SEMA3B: variants seen among roughly 807,000 people sequenced by gnomAD.
SEMA3B encodes semaphorin-3B.
In SEMA3B, 71 loss-of-function variants were observed where a neutral mutation model predicts 77.8. The observed-to-expected ratio is 0.91, with a 90% CI of 0.75 to 1.11. SEMA3B has a LOEUF of 1.11. Ranked by LOEUF, SEMA3B falls within the 50% of genes most tolerant of loss-of-function variation. The pLI, the probability that SEMA3B is intolerant of heterozygous loss-of-function variation, is 0.00. For missense variants in SEMA3B, 968 were observed against 1,056.8 expected (o/e 0.92, Z 1.17); for synonymous variants, 470 against 452.9 (o/e 1.04, Z -0.48).
rs782568494 is a variant in SEMA3B at position 50,275,608 on chromosome 3, C to T, written c.1698C>T (p.Cys566=). Residue 566 remains cysteine (C), a synonymous_variant, in exon 15 of 17, where the codon TGC becomes TGT. Coordinates refer to ENST00000616701, the MANE Select transcript of SEMA3B (RefSeq NM_001290060.2). The surrounding 1 kb of genome is among the most constrained non-coding windows in gnomAD (Gnocchi z 7.5). ...GGAATGGCGACCCCAGCACGTTGTG[C>T]TCCGGAGGTGAGTGCCCCAGCTGCC... ...DVRNGDPSTL[C]SGDSSRPALL... is the part of the protein sequence containing the mutation. 7 of 1,613,720 alleles carry T rather than the reference C, an allele frequency of 4.3e-6. No homozygotes were observed. In the South Asian group the frequency reaches 5.5e-5, roughly 13 times the overall value.
In SEMA3B at chr3:50,273,785, G is replaced by C. The variant is rs1553705895; in HGVS notation, c.949G>C (p.Asp317His). The C allele has an allele frequency of 1.3e-6, 2 of 1,593,326 alleles. No individual in the cohort carries two copies. Among genetic ancestry groups the C allele is most frequent in the Non-Finnish European group, 1.7e-6 (2 of 1,172,062 alleles). Residue 317 changes from aspartate (D) to histidine (H), a missense_variant, in exon 9 of 17, where the codon GAC (aspartate) becomes CAC (histidine). Asp to His is a moderately conservative substitution (Grantham distance 81). Coordinates refer to ENST00000616701, the MANE Select transcript of SEMA3B (RefSeq NM_001290060.2). The surrounding 1 kb of genome is among the most constrained non-coding windows in gnomAD (Gnocchi z 6.5). Reference sequence around the variant, plus strand: ...GGATGTGTTTCTGTTGTCCTCGCGGGACCACCGGACCCCGCTGCTCTATGC... The same window carrying C: ...GGATGTGTTTCTGTTGTCCTCGCGGCACCACCGGACCCCGCTGCTCTATGC... Reference protein sequence around the residue: ...LQDVFLLSSRDHRTPLLYAVF... With the variant: ...LQDVFLLSSRHHRTPLLYAVF...
chr3:50,273,410 C>A lies in SEMA3B; in HGVS notation c.777C>A (p.Arg259=). The A allele has an allele frequency of 6.2e-7, 1 of 1,613,780 alleles. No individual in the cohort carries two copies. The highest frequency in any genetic ancestry group is 8.5e-7 in the Non-Finnish European group (1 of 1,179,840). ...TAVEAAPALG[R]LSVSRVGQIC... Reference sequence around the variant, plus strand: ...TAGAGGCGGCGCCGGCACTGGGACGCCTGTCCGTGTCCCGCGTTGGCCAGA... The same window carrying A: ...TAGAGGCGGCGCCGGCACTGGGACGACTGTCCGTGTCCCGCGTTGGCCAGA... Residue 259 remains arginine (R), a synonymous_variant, in exon 7 of 17, where the codon CGC becomes CGA. Transcript: ENST00000616701. This position sits in a 1 kb window ranked among gnomAD's most constrained non-coding sequence, Gnocchi z 6.5.
In SEMA3B at chr3:50,274,366, C is replaced by T. The variant is rs782570456; in HGVS notation, c.1141C>T (p.Pro381Ser). The change falls in exon 11 of 17, where the codon CCC becomes TCC. Residue 381 changes from proline (P) to serine (S), a missense_variant. Coordinates refer to ENST00000616701, the MANE Select transcript of SEMA3B (RefSeq NM_001290060.2). The surrounding 1 kb of genome is among the most constrained non-coding windows in gnomAD (Gnocchi z 4.7). The part of the protein sequence containing the change: ...RVPYPRPGMC[P>S]SKTFGTFSST... ...CCTCCCTTTCCCCCACCCCCAGTGC[C>T]CCAGCAAGACCTTTGGCACCTTCAG... 2.9e-5 allele frequency: 44 copies of T among 1,493,928 alleles called. No individual in the cohort carries two copies. The highest frequency in any genetic ancestry group is 3.8e-5 in the Non-Finnish European group (43 of 1,122,688). The allele number at this position is 1,493,928 out of a possible 1,614,324, so 92.5% of individuals were successfully genotyped here. A position where few individuals can be genotyped will look rare whatever the true frequency, so the allele number is the denominator to read the frequency against.
In SEMA3B at chr3:50,274,910, C is replaced by G. The variant is rs782258372; in HGVS notation, c.1425C>G (p.Leu475=). 1 of 1,610,400 alleles carries G rather than the reference C, an allele frequency of 6.2e-7. No homozygotes were observed. Among genetic ancestry groups the G allele is most frequent in the Non-Finnish European group, 8.5e-7 (1 of 1,179,568 alleles). The change falls in exon 12 of 17, where the codon CTC becomes CTG. Residue 475 remains leucine (L), a synonymous_variant. Coordinates refer to ENST00000616701, the MANE Select transcript of SEMA3B (RefSeq NM_001290060.2). The surrounding 1 kb of genome is among the most constrained non-coding windows in gnomAD (Gnocchi z 4.7). ...GTAGGCCCAGCGCAGAGGGGCTGCTCCTGGAGGAGCTGCACGTGTTTGAGG... is the reference window on the plus strand; with the variant it reads ...GTAGGCCCAGCGCAGAGGGGCTGCTGCTGGAGGAGCTGCACGTGTTTGAGG... ...KGSRPSAEGL[L]LEELHVFEDS... is the part of the protein sequence containing the mutation.
Position 50,274,530 on chromosome 3 carries a change from G to A in SEMA3B, c.1305G>A (p.Ala435=). 6.4e-7 allele frequency: 1 copy of A among 1,569,980 alleles called. No individual in the cohort carries two copies. Among genetic ancestry groups the A allele is most frequent in the Admixed American group, 1.9e-5 (1 of 53,034 alleles). Residue 435 remains alanine, a synonymous_variant, in exon 11 of 17, where the codon GCG becomes GCA. Coordinates refer to ENST00000616701, the MANE Select transcript of SEMA3B (RefSeq NM_001290060.2). This position sits in a 1 kb window ranked among gnomAD's most constrained non-coding sequence, Gnocchi z 4.7. ...GANYTFTQIA[A]DRVAAADGHY... is the part of the protein sequence containing the mutation. ...ATTACACCTTCACTCAAATTGCCGC[G>A]GACCGGGTTGCAGCCGCTGACGGAC...
At position 50,277,005 on chromosome 3, in the gene SEMA3B, G is replaced by A. The variant is rs1374039243; in HGVS notation, c.*299G>A. 10 of 400,966 alleles carry A rather than the reference G, an allele frequency of 2.5e-5. No individual in the cohort carries two copies. The highest frequency in any genetic ancestry group is 4.0e-5 in the Non-Finnish European group (9 of 225,954). 24.8% of individuals were successfully genotyped at this position (400,966 alleles called of 1,614,324 possible). Reference sequence around the variant, plus strand: ...CCAGGGCCGAGGAGGTGCCTGGAGTGCCCACCCTGGGAGACAGACCCCACC... The same window carrying A: ...CCAGGGCCGAGGAGGTGCCTGGAGTACCCACCCTGGGAGACAGACCCCACC... On this transcript the variant is annotated 3_prime_UTR_variant, in exon 17 of 17. Coordinates refer to ENST00000616701, the MANE Select transcript of SEMA3B (RefSeq NM_001290060.2).
upstream of SEMA3B, chr3:50,267,570 A>ACGGC (rs1700932609): frequency 6.6e-6 from 1 of 152,240 alleles, no homozygotes; most frequent in Admixed American, 6.5e-5. This position sits in a 1 kb window ranked among gnomAD's most constrained non-coding sequence, Gnocchi z 5.7. Context: ...ACTTTACGGC[A>ACGGC]CGGCGGGCGG....
chr3:50,276,496 C>T lies in SEMA3B; in HGVS notation c.2040C>T (p.Ala680=), dbSNP rs990142121. 70 of 1,531,074 alleles carry T rather than the reference C, an allele frequency of 4.6e-5. No individual in the cohort carries two copies. The highest frequency in any genetic ancestry group is 5.7e-5 in the Non-Finnish European group (65 of 1,143,752). The allele number at this position is 1,531,074 out of a possible 1,614,324, so 94.8% of individuals were successfully genotyped here. ...CGCGGGCCGAGGAGGCTGCGCCCGC[C>T]GCGCCGCCGGGCCCCAAACTCTGGT... ...RLARAEEAAP[A]APPGPKLWYR... is the part of the protein sequence containing the mutation. Residue 680 remains alanine, a synonymous_variant, in exon 17 of 17, where the codon GCC becomes GCT. Transcript: ENST00000616701. The surrounding 1 kb of genome is among the most constrained non-coding windows in gnomAD (Gnocchi z 5.8).
At position 50,276,421 on chromosome 3, in the gene SEMA3B, G is replaced by C; in HGVS notation, c.1965G>C (p.Leu655=). ...AAVEQGFTQP[L]RRLSLHVLSA... ...TCGAGCAGGGCTTTACGCAACCGCTGCGTCGCCTGTCGCTGCACGTGTTGA... is the reference window on the plus strand; with the variant it reads ...TCGAGCAGGGCTTTACGCAACCGCTCCGTCGCCTGTCGCTGCACGTGTTGA... Residue 655 remains leucine (L), a synonymous_variant, in exon 17 of 17, where the codon CTG becomes CTC. Transcript: ENST00000616701. The surrounding 1 kb of genome is among the most constrained non-coding windows in gnomAD (Gnocchi z 5.8). 6.5e-7 allele frequency: 1 copy of C among 1,536,564 alleles called. No individual in the cohort carries two copies. Among genetic ancestry groups the C allele is most frequent in the Admixed American group, 2.0e-5 (1 of 50,936 alleles).
At chr3:50,272,855 A>AAATAATAATAATAATAATAATAATAAT (rs55666696) in intron 6 of SEMA3B, among the ~76,000 whole-genome samples, 77 of 145,580 alleles carry the variant, frequency 5.3e-4, no homozygotes, top group African/African-American at 1.4e-3. Context: ...ATAAATAAAC[A>AAATAATAATAATAATAATAATAATAAT]AATAATAATA....
rs1376180721 is a variant in SEMA3B, at chr3:50,269,970, G to C, written c.110-157G>C. Among the ~76,000 whole-genome samples, 1 of 152,178 alleles carries C rather than the reference G, an allele frequency of 6.6e-6. No homozygotes were observed. The highest frequency in any genetic ancestry group is 2.4e-5 in the African/African-American group (1 of 41,444). On this transcript the variant is annotated intron_variant, in intron 1 of 16. Coordinates refer to ENST00000616701, the MANE Select transcript of SEMA3B (RefSeq NM_001290060.2). The surrounding 1 kb of genome is among the most constrained non-coding windows in gnomAD (Gnocchi z 4.0). Reference sequence around the variant, plus strand: ...CAGCTCCACACGTGCACCTGGGTGGGCTTGGGTTTGCGTGTGTAAACTCAC... The same window carrying C: ...CAGCTCCACACGTGCACCTGGGTGGCCTTGGGTTTGCGTGTGTAAACTCAC...
Position 50,269,206 on chromosome 3 carries a change from C to A in SEMA3B, c.-35C>A, listed in dbSNP as rs1553704900. 1.4e-6 allele frequency: 2 copies of A among 1,460,038 alleles called. No individual in the cohort carries two copies. The highest frequency in any genetic ancestry group is 1.7e-4 in the Middle Eastern group (1 of 5,868). 90.4% of individuals were successfully genotyped at this position (1,460,038 alleles called of 1,614,324 possible). ...GCAGCTCAAGGCTCCTCCACACACA[C>A]ACCCGCTGAACCCTGAGCACCCTGA... is the stretch of plus-strand genomic sequence containing the variant. On this transcript the variant is annotated 5_prime_UTR_variant, in exon 1 of 17. Coordinates refer to ENST00000616701, the MANE Select transcript of SEMA3B (RefSeq NM_001290060.2). The surrounding 1 kb of genome is among the most constrained non-coding windows in gnomAD (Gnocchi z 4.0).
chr3:50,274,022 T>A lies in SEMA3B; in HGVS notation c.1102T>A (p.Tyr368Asn). 6.2e-7 allele frequency: 1 copy of A among 1,613,466 alleles called. No individual in the cohort carries two copies. Among genetic ancestry groups the A allele is most frequent in the Non-Finnish European group, 8.5e-7 (1 of 1,179,712 alleles). Reference protein sequence around the residue: ...KEGPMHQWVSYQGRVPYPRPG... With the variant: ...KEGPMHQWVSNQGRVPYPRPG... ...GGGGCCCATGCACCAGTGGGTGTCATACCAGGGTCGCGTCCCCTACCCGCG... is the reference window on the plus strand; with the variant it reads ...GGGGCCCATGCACCAGTGGGTGTCAAACCAGGGTCGCGTCCCCTACCCGCG... The change falls in exon 10 of 17, where the codon TAC becomes AAC. Residue 368 changes from tyrosine (Y) to asparagine (N), a missense_variant. Coordinates refer to ENST00000616701, the MANE Select transcript of SEMA3B (RefSeq NM_001290060.2). The surrounding 1 kb of genome is among the most constrained non-coding windows in gnomAD (Gnocchi z 4.7).
Position 50,275,643 on chromosome 3 carries a change from A to C in SEMA3B, c.1705+28A>C. On this transcript the variant is annotated intron_variant, in intron 15 of 16. Coordinates refer to ENST00000616701, the MANE Select transcript of SEMA3B (RefSeq NM_001290060.2). This position sits in a 1 kb window ranked among gnomAD's most constrained non-coding sequence, Gnocchi z 7.5. ...GAGTGCCCCAGCTGCCCCTACCCTC[A>C]GCCCCAGAAGACGCCCCACCTGCCC... 6.2e-7 allele frequency: 1 copy of C among 1,613,532 alleles called. No homozygotes were observed. The highest frequency in any genetic ancestry group is 1.1e-5 in the South Asian group (1 of 91,076).
rs1553706404 is a variant in SEMA3B, at chr3:50,275,463, G to A, written c.1649+4G>A. 5 of 1,606,590 alleles carry A rather than the reference G, an allele frequency of 3.1e-6. No homozygotes were observed. Among genetic ancestry groups the A allele is most frequent in the Non-Finnish European group, 4.3e-6 (5 of 1,175,400 alleles). On this transcript the variant is annotated splice_donor_region_variant and intron_variant, in intron 14 of 16. Coordinates refer to ENST00000616701, the MANE Select transcript of SEMA3B (RefSeq NM_001290060.2). The surrounding 1 kb of genome is among the most constrained non-coding windows in gnomAD (Gnocchi z 7.5). ...GCTTCCAGCCCAGTGCCAAGAGGTG[G>A]GCGGGGTCGGGGTTGGGCCGCCGGG... is the stretch of plus-strand genomic sequence containing the variant.
chr3:50,270,453 G>C lies in SEMA3B; in HGVS notation c.288G>C (p.Val96=). ...GATAGCTGGCCTGGCCGGCCCCTGT[G>C]GAATGGCGAGAGGAGTGCAACTGGG... The part of the protein sequence containing the change: ...RAKKLAWPAP[V]EWREECNWAG... Residue 96 remains valine (V), a synonymous_variant, in exon 3 of 17, where the codon GTG becomes GTC. Coordinates refer to ENST00000616701, the MANE Select transcript of SEMA3B (RefSeq NM_001290060.2). The surrounding 1 kb of genome is among the most constrained non-coding windows in gnomAD (Gnocchi z 4.7). The C allele has an allele frequency of 1.2e-6, 2 of 1,613,714 alleles. No homozygotes were observed. Among genetic ancestry groups the C allele is most frequent in the South Asian group, 2.2e-5 (2 of 91,084 alleles).
In SEMA3B at chr3:50,276,888, C is replaced by A; in HGVS notation, c.*182C>A. The A allele has an allele frequency of 1.4e-6, 1 of 690,472 alleles. No individual in the cohort carries two copies. The highest frequency in any genetic ancestry group is 2.2e-6 in the Non-Finnish European group (1 of 457,666). The allele number at this position is 690,472 out of a possible 1,614,324, so 42.8% of individuals were successfully genotyped here. A position where few individuals can be genotyped will look rare whatever the true frequency, so the allele number is the denominator to read the frequency against. On this transcript the variant is annotated 3_prime_UTR_variant, in exon 17 of 17. Coordinates refer to ENST00000616701, the MANE Select transcript of SEMA3B (RefSeq NM_001290060.2). The surrounding 1 kb of genome is among the most constrained non-coding windows in gnomAD (Gnocchi z 5.8). ...GGGCTTATTTATTAACAGGATAACC[C>A]TTGAATGTAGCAGCCCCGGGAGGGC... is the stretch of plus-strand genomic sequence containing the variant.
chr3:50,269,473 A>G lies in SEMA3B; in HGVS notation c.109+124A>G. 1.6e-6 allele frequency: 1 copy of G among 629,244 alleles called. No homozygotes were observed. Among genetic ancestry groups the G allele is most frequent in the East Asian group, 2.9e-5 (1 of 34,416 alleles). 39.0% of individuals were successfully genotyped at this position (629,244 alleles called of 1,614,324 possible). A position where few individuals can be genotyped will look rare whatever the true frequency, so the allele number is the denominator to read the frequency against. On this transcript the variant is annotated intron_variant, in intron 1 of 16. Transcript: ENST00000616701. This position sits in a 1 kb window ranked among gnomAD's most constrained non-coding sequence, Gnocchi z 4.0. ...GTGCCTGTCACCAGACTCTGGTAGG[A>G]TTAGTGGGCACTCTCAGGCCACCTC...
Position 50,273,168 on chromosome 3 carries a change from A to C in SEMA3B, c.665-130A>C. 3 of 1,333,448 alleles carry C rather than the reference A, an allele frequency of 2.2e-6. No homozygotes were observed. The highest frequency in any genetic ancestry group is 3.1e-6 in the Non-Finnish European group (3 of 983,322). The allele number at this position is 1,333,448 out of a possible 1,614,324, so 82.6% of individuals were successfully genotyped here. On this transcript the variant is annotated intron_variant, in intron 6 of 16. Coordinates refer to ENST00000616701, the MANE Select transcript of SEMA3B (RefSeq NM_001290060.2). The surrounding 1 kb of genome is among the most constrained non-coding windows in gnomAD (Gnocchi z 6.5). ...CAGAGCGCCAACTGGACATGGTGCTAGAGGTTGGGTGGTCAGACACTGTGA... is the reference window on the plus strand; with the variant it reads ...CAGAGCGCCAACTGGACATGGTGCTCGAGGTTGGGTGGTCAGACACTGTGA...
Sources: gnomAD v4.1 joint callset for allele counts (sites outside exome capture counted in the v4.1 genomes callset) on GRCh38, gnomAD v4.1.1 for gene constraint, Gnocchi (gnomAD v3.1) non-coding constraint, MANE v1.5 for transcripts, NCBI Gene and HGNC (gene_info 2026-07-23, HGNC 2026-07-21) for gene names.